Variants in MYH15 observed in about 807,000 individuals in gnomAD.
MYH15 encodes myosin-15.
In MYH15, 227 loss-of-function variants were observed where a neutral mutation model predicts 240.5. The observed-to-expected ratio is 0.94, with a 90% CI of 0.85 to 1.05. The LOEUF is 1.05. Among genes scored for constraint, MYH15 ranks in the 50% least tolerant of loss-of-function variants. The pLI, the probability that MYH15 is intolerant of heterozygous loss-of-function variation, is 0.00. For missense variants in MYH15, 2,217 were observed against 2,247.5 expected, an observed-to-expected ratio of 0.99 and a Z score of 0.27; for synonymous variants, 785 against 796.7, an observed-to-expected ratio of 0.99 and a Z score of 0.25.
intron 33 of MYH15, among the ~76,000 whole-genome samples, chr3:108,400,682 G>A (rs535078216): frequency 6.6e-6 from 1 of 152,210 alleles, no homozygotes; most frequent in Non-Finnish European, 1.5e-5. Context: ...GGTGGCATGT[G>A]TCTGTAGTCC....
chr3:108,487,292 C>T (rs146410448), intron 9 of MYH15, among the ~76,000 whole-genome samples: 3 of 152,240 alleles, frequency 2.0e-5, no homozygotes, highest in East Asian at 1.9e-4. Context: ...AAGTGAAAAT[C>T]GGTTATCTTG....
Position 108,459,378 on chromosome 3 carries a change from AT to A in MYH15, c.2003del (p.Asn668MetfsTer2). On this transcript the variant is annotated frameshift_variant, in exon 18 of 41. Transcript: ENST00000693548. LOFTEE classifies it high-confidence loss of function. ...APHFVRCINP[N>X]VNKIPGILDP... The stretch of plus-strand genomic sequence containing the variant: ...AGTTCTTACCTGGTATTTTGTTCAC[AT>A]TGGGATTTATGCATCTCACAAAATG... 1 of 1,596,816 alleles carries A rather than the reference AT, an allele frequency of 6.3e-7. No individual in the cohort carries two copies. Among genetic ancestry groups the A allele is most frequent in the South Asian group, 1.1e-5 (1 of 88,126 alleles).
At chr3:108,445,156 G>C (rs958184074) in intron 21 of MYH15, among the ~76,000 whole-genome samples, 6 of 152,188 alleles carry the variant, frequency 3.9e-5, no homozygotes, top group African/African-American at 1.2e-4. Flanking sequence ...TGAACCTAAA[G>C]AGAGTAAGAC....
chr3:108,517,104 T>C (rs1559674891), intron 1 of MYH15, among the ~76,000 whole-genome samples: 1 of 152,186 alleles, frequency 6.6e-6, no homozygotes, highest in East Asian at 1.9e-4. Flanking sequence ...TTTCTTCTCT[T>C]TCCCAGTTGT....
chr3:108,501,750 G>A lies in MYH15; in HGVS notation c.301C>T (p.His101Tyr). The change falls in exon 3 of 41, where the codon CAT becomes TAT. Residue 101 changes from histidine to tyrosine, a missense_variant. By Grantham distance (83) the His-to-Tyr change is moderately conservative. Coordinates refer to ENST00000693548, the MANE Select transcript of MYH15 (RefSeq NM_014981.3). ...LTHLNEASVL[H>Y]TLKRRYGQWM... ...TGGCCATAGCGCCGCTTCAGGGTAT[G>A]CAGCACGGATGCCTCATTGAGGTGA... The A allele has an allele frequency of 6.2e-7, 1 of 1,614,096 alleles. No homozygotes were observed. The highest frequency in any genetic ancestry group is 2.2e-5 in the East Asian group (1 of 44,886).
At chr3:108,408,143 T>G (rs2082560015) in intron 32 of MYH15, 137 bp downstream of exon 32, 6 of 953,776 alleles carry the variant, frequency 6.3e-6, no homozygotes, top group Non-Finnish European at 9.1e-6. Flanking sequence ...ATTAAAATTA[T>G]GCATTTGGCA....
rs2082773601 is a variant in MYH15, at chr3:108,430,918, C to G, written c.3226G>C (p.Glu1076Gln). 4.4e-6 allele frequency: 7 copies of G among 1,602,852 alleles called. No homozygotes were observed. The highest frequency in any genetic ancestry group is 3.4e-6 in the Non-Finnish European group (4 of 1,172,018). Residue 1076 changes from glutamate to glutamine, a missense_variant, in exon 26 of 41, where the codon GAA becomes CAA. Transcript: ENST00000693548. ...RHLAEELRKK[E>Q]LELSQMNSKV... ...GAATTCATCTGACTCAATTCTAATT[C>G]TTTTCTGTTTAGAAAAAGATATCAA...
the MYH15 span, among the ~76,000 whole-genome samples, chr3:108,544,145 G>A: frequency 6.6e-6 from 1 of 152,184 alleles, no homozygotes; most frequent in Admixed American, 6.5e-5. Context: ...TCTTGAGAGA[G>A]TGAGAGACAA....
At chr3:108,490,533 C>T (rs2083338312) in intron 9 of MYH15, among the ~76,000 whole-genome samples, 1 of 152,236 alleles carries the variant, frequency 6.6e-6, no homozygotes, top group Admixed American at 6.5e-5. Flanking sequence ...GCCTGCAATG[C>T]ACTGCATGGT....
chr3:108,546,930 T>C, the MYH15 span, among the ~76,000 whole-genome samples: 1 of 152,128 alleles, frequency 6.6e-6, no homozygotes, highest in Non-Finnish European at 1.5e-5. Context: ...TCAAAGTGAT[T>C]TGCATGTTGA....
chr3:108,518,502 A>G (rs749604446), intron 1 of MYH15, among the ~76,000 whole-genome samples: 11 of 152,196 alleles, frequency 7.2e-5, no homozygotes, highest in Non-Finnish European at 1.2e-4. Flanking sequence ...CAGTTACTGT[A>G]CTATCTTATT....
chr3:108,480,497 T>G (rs1043797026), intron 11 of MYH15, among the ~76,000 whole-genome samples: 1 of 152,118 alleles, frequency 6.6e-6, no homozygotes, highest in African/African-American at 2.4e-5. Context: ...AGCAGAGAAA[T>G]GACATAATTA....
chr3:108,526,224 A>G (rs1164609314), intron 1 of MYH15, among the ~76,000 whole-genome samples: 1 of 152,146 alleles, frequency 6.6e-6, no homozygotes, highest in Non-Finnish European at 1.5e-5. Flanking sequence ...CATGCCACCA[A>G]CAAGTACATT....
chr3:108,537,559 T>C, the MYH15 span, among the ~76,000 whole-genome samples: 13 of 152,274 alleles, frequency 8.5e-5, no homozygotes, highest in African/African-American at 2.4e-4. Context: ...GCCCTTCCAC[T>C]TTCTGCCACG....
intron 37 of MYH15, among the ~76,000 whole-genome samples, chr3:108,390,622 T>C (rs1003973007): frequency 6.6e-6 from 1 of 152,226 alleles, no homozygotes; most frequent in Non-Finnish European, 1.5e-5. Context: ...CATTCTTTTG[T>C]TATTTTGTCC....
intron 20 of MYH15, 120 bp from the exon 21 acceptor site, chr3:108,454,262 A>C: frequency 1.1e-6 from 1 of 908,430 alleles, no homozygotes; most frequent in Non-Finnish European, 1.5e-6. Flanking sequence ...CATTTCTTGT[A>C]AGTTTTATTT....
rs935279951 is a variant in MYH15, at chr3:108,444,851, G to A, written c.2444C>T (p.Ala815Val). The stretch of plus-strand genomic sequence containing the variant: ...CCTCATCCAGGGCCAGTTCTTCACA[G>A]CCATGAAAGCTCTTATGTTCCATTG... Reference protein sequence around the residue: ...LIQWNIRAFMAVKNWPWMRLF... With the variant: ...LIQWNIRAFMVVKNWPWMRLF... Residue 815 changes from alanine (A) to valine (V), a missense_variant, in exon 22 of 41, where the codon GCT becomes GTT. Coordinates refer to ENST00000693548, the MANE Select transcript of MYH15 (RefSeq NM_014981.3). 1.2e-6 allele frequency: 2 copies of A among 1,613,830 alleles called. No individual in the cohort carries two copies. The highest frequency in any genetic ancestry group is 1.7e-6 in the Non-Finnish European group (2 of 1,179,938).
Position 108,405,689 on chromosome 3 carries a change from T to G in MYH15, c.4621-236A>C, listed in dbSNP as rs548862273. On this transcript the variant is annotated intron_variant, in intron 32 of 40. Transcript: ENST00000693548. The stretch of plus-strand genomic sequence containing the variant: ...CAGCTGTAGCTCCAGAACTAGAATT[T>G]TAAAGCCTATTTTAAAATAGAAAAT... 9.9e-4 allele frequency among the ~76,000 whole-genome samples: 151 copies of G among 152,288 alleles called. 1 individual carries two copies. The highest frequency in any genetic ancestry group is 3.6e-3 in the African/African-American group (148 of 41,570).
intron 11 of MYH15, among the ~76,000 whole-genome samples, chr3:108,482,712 A>C (rs1332722891): frequency 2.0e-5 from 3 of 152,138 alleles, no homozygotes; most frequent in African/African-American, 7.2e-5. Context: ...TATCTACAAC[A>C]ACCTCTGTAT....
Sources: gnomAD v4.1 joint callset for allele counts (sites outside exome capture counted in the v4.1 genomes callset) on GRCh38, gnomAD v4.1.1 for gene constraint, MANE v1.5 for transcripts, NCBI Gene and HGNC (gene_info 2026-07-23, HGNC 2026-07-21) for gene names.